CLVS1: variants seen among roughly 807,000 people sequenced by gnomAD.
CLVS1 encodes clavesin 1, also known as clavesin-1.
Under a neutral mutation model 33.1 loss-of-function variants are expected in CLVS1, and 10 were observed. The ratio of observed to expected loss-of-function variants is 0.30; its 90% CI spans 0.19 to 0.51. The LOEUF (loss-of-function observed/expected upper bound fraction) is 0.51, where lower values mean the gene tolerates loss of function less well. CLVS1 is among the 20% of genes least tolerant of loss of function. The pLI is 0.97. For synonymous variants in CLVS1, 163 were observed against 166.1 expected, an observed-to-expected ratio of 0.98 and a Z score of 0.14; for missense variants, 343 against 433.4, an observed-to-expected ratio of 0.79 and a Z score of 1.85.
the CLVS1 span, among the ~76,000 whole-genome samples, chr8:60,999,911 G>A: frequency 1.3e-5 from 2 of 152,192 alleles, no homozygotes; most frequent in Non-Finnish European, 2.9e-5. Context: ...GCGGGTAAGA[G>A]AAAGTCTAAC....
intron 3 of CLVS1, among the ~76,000 whole-genome samples, chr8:61,415,249 G>A (rs1260237776): frequency 6.6e-6 from 1 of 152,222 alleles, no homozygotes; most frequent in African/African-American, 2.4e-5. Flanking sequence ...TTCCCTGAGG[G>A]TAGGAGCAAA....
intron 2 of CLVS1, among the ~76,000 whole-genome samples, chr8:61,343,257 A>G (rs139485582): frequency 6.6e-6 from 1 of 152,248 alleles, no homozygotes; most frequent in Non-Finnish European, 1.5e-5. Context: ...TTCAAAAGAT[A>G]AAAATATATG....
At chr8:61,353,627 A>G (rs1041864234) in intron 2 of CLVS1, among the ~76,000 whole-genome samples, 2 of 151,822 alleles carry the variant, frequency 1.3e-5, no homozygotes, top group Non-Finnish European at 2.9e-5. Context: ...TGAGATGTTG[A>G]TATTAGGAAT....
intron 2 of CLVS1, among the ~76,000 whole-genome samples, chr8:61,265,569 A>G (rs541373434): frequency 3.3e-5 from 5 of 152,292 alleles, no homozygotes; most frequent in Non-Finnish European, 5.9e-5. Flanking sequence ...TTCCCACAAC[A>G]CCTAGGTTTC....
At chr8:61,059,666 C>T (rs1305265737) in intron 1 of CLVS1, among the ~76,000 whole-genome samples, 1 of 150,878 alleles carries the variant, frequency 6.6e-6, no homozygotes, top group Non-Finnish European at 1.5e-5. Flanking sequence ...AAAAAATTAG[C>T]CGGATGTGGT....
At chr8:61,023,881 G>A in the CLVS1 span, among the ~76,000 whole-genome samples, 1 of 152,340 alleles carries the variant, frequency 6.6e-6, no homozygotes, top group South Asian at 2.1e-4. Context: ...GGGAGAAGCC[G>A]GAGAGACTGG....
chr8:60,985,123 T>C, the CLVS1 span, among the ~76,000 whole-genome samples: 1 of 152,358 alleles, frequency 6.6e-6, no homozygotes, highest in African/African-American at 2.4e-5. Flanking sequence ...CTATTTTTTC[T>C]TCTCTCAGAA....
intron 2 of CLVS1, among the ~76,000 whole-genome samples, chr8:61,345,566 T>A (rs1232598893): frequency 6.6e-6 from 1 of 151,942 alleles, no homozygotes; most frequent in African/African-American, 2.4e-5. Flanking sequence ...TGACTTGATG[T>A]TCCCTCGAAT....
the CLVS1 span, among the ~76,000 whole-genome samples, chr8:61,025,934 T>C: frequency 1.3e-5 from 2 of 152,186 alleles, no homozygotes; most frequent in East Asian, 1.9e-4. Flanking sequence ...TACTTGTTTA[T>C]GGAGAAAAAC....
chr8:61,494,683 C>A (rs915497038), intron 5 of CLVS1, among the ~76,000 whole-genome samples: 1 of 152,082 alleles, frequency 6.6e-6, no homozygotes, highest in African/African-American at 2.4e-5. Flanking sequence ...GATTGGTCTT[C>A]CCTGAGAGCA....
chr8:61,055,393 T>C (rs1242239414), upstream of CLVS1, among the ~76,000 whole-genome samples: 3 of 152,240 alleles, frequency 2.0e-5, no homozygotes, highest in Non-Finnish European at 4.4e-5. Flanking sequence ...GTTTAGCCTA[T>C]TTTTAATTTA....
chr8:61,149,225 A>G (rs916774255), intron 2 of CLVS1, among the ~76,000 whole-genome samples: 6 of 152,152 alleles, frequency 3.9e-5, no homozygotes, highest in Non-Finnish European at 8.8e-5. Flanking sequence ...AAAGAAAGAG[A>G]GGAGAGGAAG....
At chr8:61,458,245 T>G in intron 4 of CLVS1, 62 bp from the exon 5 acceptor site, 8 of 1,228,218 alleles carry the variant, frequency 6.5e-6, no homozygotes, top group African/African-American at 1.5e-5. Flanking sequence ...GTGTATTAGA[T>G]GAAATCTTTG....
chr8:61,264,142 A>AG (rs1809259357), intron 2 of CLVS1, among the ~76,000 whole-genome samples: 2 of 152,096 alleles, frequency 1.3e-5, no homozygotes, highest in African/African-American at 4.8e-5. Context: ...TCAAGCTGGC[A>AG]CTTGAGCCTC....
intron 3 of CLVS1, among the ~76,000 whole-genome samples, chr8:61,453,571 A>G (rs1247286393): frequency 6.6e-6 from 1 of 152,196 alleles, no homozygotes; most frequent in Admixed American, 6.5e-5. Flanking sequence ...TAGTACTGCA[A>G]TGTGTGAAAA....
chr8:61,270,145 TG>T (rs1809403597), intron 2 of CLVS1, among the ~76,000 whole-genome samples: 1 of 152,228 alleles, frequency 6.6e-6, no homozygotes, highest in Admixed American at 6.5e-5. Flanking sequence ...ATATTGGCTG[TG>T]GGTTTGTCGT....
chr8:60,984,529 T>C, the CLVS1 span, among the ~76,000 whole-genome samples: 1 of 152,146 alleles, frequency 6.6e-6, no homozygotes, highest in African/African-American at 2.4e-5. Flanking sequence ...GGTTTCACCA[T>C]GTTGGCCAGG....
chr8:61,235,325 G>A (rs531183829), intron 2 of CLVS1, among the ~76,000 whole-genome samples: 2 of 152,280 alleles, frequency 1.3e-5, no homozygotes, highest in South Asian at 2.1e-4. Context: ...AATTGCAGAG[G>A]ACTCCAGTGA....
chr8:61,030,350 A>G, the CLVS1 span, among the ~76,000 whole-genome samples: 3 of 152,194 alleles, frequency 2.0e-5, no homozygotes, highest in South Asian at 2.1e-4. Flanking sequence ...CTATCCTAAA[A>G]TGTTTGAAAA....
Sources: gnomAD v4.1 joint callset for allele counts (sites outside exome capture counted in the v4.1 genomes callset) on GRCh38, gnomAD v4.1.1 for gene constraint, MANE v1.5 for transcripts, NCBI Gene and HGNC (gene_info 2026-07-23, HGNC 2026-07-21) for gene names.